The following EYA4 variants were observed in gnomAD, a reference collection of about 807,000 sequenced individuals.
EYA4 encodes EYA transcriptional coactivator and phosphatase 4.
Under a neutral mutation model 87.9 loss-of-function variants are expected in EYA4, and 31 were observed. The observed-to-expected ratio is 0.35, with a 90% CI of 0.27 to 0.48. The LOEUF (loss-of-function observed/expected upper bound fraction) is 0.48. EYA4 is among the 20% of genes least tolerant of loss of function. EYA4 has a pLI of 0.99. For missense variants in EYA4, 678 were observed against 761.4 expected, an observed-to-expected ratio of 0.89 and a Z score of 1.29; for synonymous variants, 263 against 270.6, an observed-to-expected ratio of 0.97 and a Z score of 0.28.
chr6:133,261,540 G>A (rs7756406), intron 1 of EYA4, among the ~76,000 whole-genome samples: 1 of 152,104 alleles, frequency 6.6e-6, no homozygotes, highest in Non-Finnish European at 1.5e-5. Context: ...GGTGACAAAT[G>A]CTAATGACTT....
Position 133,528,958 on chromosome 6 carries a change from T to C in EYA4, c.*153T>C, listed in dbSNP as rs529648360. 6.6e-6 allele frequency: 10 copies of C among 1,506,694 alleles called. No homozygotes were observed. The African/African-American group carries it at 8.3e-5, about 13-fold the overall frequency. The allele number at this position is 1,506,694 out of a possible 1,614,324, so 93.3% of individuals were successfully genotyped here. A position where few individuals can be genotyped will look rare whatever the true frequency, so the allele number is the denominator to read the frequency against. On this transcript the variant is annotated 3_prime_UTR_variant, in exon 20 of 20. Coordinates refer to ENST00000355286, the MANE Select transcript of EYA4 (RefSeq NM_004100.5). The stretch of plus-strand genomic sequence containing the variant: ...TTCCAGAATGAAGAATTCAGATTGC[T>C]GAATGGAGTTAAACTTTAGTGCTAC...
intron 2 of EYA4, among the ~76,000 whole-genome samples, chr6:133,344,285 G>C (rs1375641241): frequency 6.6e-6 from 1 of 152,216 alleles, no homozygotes; most frequent in East Asian, 1.9e-4. Context: ...AGGTGAACTA[G>C]ATGTAGGACC....
At chr6:133,318,038 G>A (rs1000031267) in intron 2 of EYA4, among the ~76,000 whole-genome samples, 1 of 152,148 alleles carries the variant, frequency 6.6e-6, no homozygotes, top group Non-Finnish European at 1.5e-5. Context: ...CTTTTTAAAT[G>A]TAGTTTTGAA....
At chr6:133,280,957 T>C (rs1162204461) in intron 2 of EYA4, among the ~76,000 whole-genome samples, 1 of 152,202 alleles carries the variant, frequency 6.6e-6, no homozygotes, top group East Asian at 1.9e-4. Context: ...TTCATATAAA[T>C]TGAGTCATAC....
chr6:133,381,186 T>C (rs186930461), intron 2 of EYA4, among the ~76,000 whole-genome samples: 1 of 151,842 alleles, frequency 6.6e-6, no homozygotes, highest in East Asian at 1.9e-4. Context: ...TGGTCAGTTT[T>C]ATTTTCATAT....
At chr6:133,265,715 A>C (rs965404543) in intron 1 of EYA4, among the ~76,000 whole-genome samples, 6 of 152,200 alleles carry the variant, frequency 3.9e-5, no homozygotes, top group African/African-American at 1.4e-4. Context: ...AGTAACAATT[A>C]ATCTAAATTT....
rs71003632 is a variant in EYA4, at chr6:133,294,062, T to TATATATATATATATATATATAAAA, written c.33+19250_33+19251insTATATATATATATATATATAAAAA. Among the ~76,000 whole-genome samples, 386 of 105,012 alleles carry TATATATATATATATATATATAAAA rather than the reference T, an allele frequency of 3.7e-3. 20 individuals carry two copies. The highest frequency in any genetic ancestry group is 6.1e-3 in the Non-Finnish European group (293 of 48,366). The allele number at this position is 105,012 out of a possible 152,430, so 68.9% of individuals were successfully genotyped here. A position where few individuals can be genotyped will look rare whatever the true frequency, so the allele number is the denominator to read the frequency against. The stretch of plus-strand genomic sequence containing the variant: ...ATATATATATATATATATATATATA[T>TATATATATATATATATATATAAAA]AATTCTATTCTATATATAACATTCT... On this transcript the variant is annotated intron_variant, in intron 2 of 19. Coordinates refer to ENST00000355286, the MANE Select transcript of EYA4 (RefSeq NM_004100.5).
At chr6:133,366,500 A>G (rs569118332) in intron 2 of EYA4, among the ~76,000 whole-genome samples, 1 of 152,318 alleles carries the variant, frequency 6.6e-6, no homozygotes, top group Admixed American at 6.5e-5. Context: ...GGGGCAGATC[A>G]TGCATTTGCC....
intron 2 of EYA4, among the ~76,000 whole-genome samples, chr6:133,307,772 T>G (rs1428494586): frequency 6.6e-6 from 1 of 152,170 alleles, no homozygotes; most frequent in Non-Finnish European, 1.5e-5. Context: ...AATTCCCATT[T>G]TACCCGTGAG....
intron 2 of EYA4, among the ~76,000 whole-genome samples, chr6:133,339,460 T>C (rs1484121927): frequency 1.3e-5 from 2 of 152,176 alleles, no homozygotes; most frequent in Non-Finnish European, 2.9e-5. Context: ...GGAAGAATAT[T>C]AAATTTGTTT....
At chr6:133,346,981 C>T (rs1221856947) in intron 2 of EYA4, among the ~76,000 whole-genome samples, 20 of 151,544 alleles carry the variant, frequency 1.3e-4, no homozygotes, top group Admixed American at 1.3e-3. Context: ...AGATCCAGTC[C>T]CTGCTCTGTG....
intron 2 of EYA4, among the ~76,000 whole-genome samples, chr6:133,317,446 A>T (rs1780714962): frequency 1.3e-5 from 2 of 152,192 alleles, no homozygotes; most frequent in Non-Finnish European, 2.9e-5. Flanking sequence ...TTATGATTTT[A>T]TTATGAATTA....
intron 3 of EYA4, among the ~76,000 whole-genome samples, chr6:133,397,079 C>G (rs1230620036): frequency 1.3e-5 from 2 of 152,218 alleles, no homozygotes; most frequent in East Asian, 3.8e-4. Flanking sequence ...ATGAATCACT[C>G]AACTTGGCTG....
At chr6:133,455,543 AC>A (rs1793827590) in intron 5 of EYA4, among the ~76,000 whole-genome samples, 1 of 152,150 alleles carries the variant, frequency 6.6e-6, no homozygotes, top group South Asian at 2.1e-4. Flanking sequence ...TAACAGAATA[AC>A]ATTACTGACT....
At chr6:133,517,087 C>T (rs180941285) in intron 17 of EYA4, among the ~76,000 whole-genome samples, 3 of 152,134 alleles carry the variant, frequency 2.0e-5, no homozygotes, top group African/African-American at 4.8e-5. Flanking sequence ...TTTGAGGATT[C>T]GCCACACTGC....
At chr6:133,502,018 G>A (rs1798161557) in intron 13 of EYA4, among the ~76,000 whole-genome samples, 1 of 151,746 alleles carries the variant, frequency 6.6e-6, no homozygotes, top group African/African-American at 2.4e-5. Context: ...AAGGCCAAGA[G>A]CTATTTATTT....
rs866072739 is a variant in EYA4, at chr6:133,462,475, A to G, written c.578A>G (p.Tyr193Cys). 10 of 1,613,442 alleles carry G rather than the reference A, an allele frequency of 6.2e-6. No homozygotes were observed. The highest frequency in any genetic ancestry group is 8.5e-6 in the Non-Finnish European group (10 of 1,179,948). ...GGACAGCCCTACAGCTTGCCCACTTACGGTATTTCACATCTTCTGTTTTCT... is the reference window on the plus strand; with the variant it reads ...GGACAGCCCTACAGCTTGCCCACTTGCGGTATTTCACATCTTCTGTTTTCT... ...QTGQPYSLPT[Y>C]DLGVMLPAIK... The change falls in exon 8 of 20, where the codon TAC (tyrosine) becomes TGC (cysteine). Residue 193 changes from tyrosine to cysteine, a missense_variant and splice_region_variant. Physicochemically the swap from Tyr to Cys is radical, Grantham distance 194 (BLOSUM62 -2). Coordinates refer to ENST00000355286, the MANE Select transcript of EYA4 (RefSeq NM_004100.5).
At chr6:133,498,169 A>G (rs1040034256) in intron 13 of EYA4, among the ~76,000 whole-genome samples, 1 of 152,216 alleles carries the variant, frequency 6.6e-6, no homozygotes, top group Non-Finnish European at 1.5e-5. Flanking sequence ...AGAAAGTAAT[A>G]GAATTAATCA....
chr6:133,273,926 T>C (rs138030238), intron 1 of EYA4, among the ~76,000 whole-genome samples: 1 of 152,106 alleles, frequency 6.6e-6, no homozygotes, highest in South Asian at 2.1e-4. Flanking sequence ...TGTGTGCGTG[T>C]ATGTGTTTTA....
Sources: gnomAD v4.1 joint callset for allele counts (sites outside exome capture counted in the v4.1 genomes callset) on GRCh38, gnomAD v4.1.1 for gene constraint, MANE v1.5 for transcripts, NCBI Gene and HGNC (gene_info 2026-07-23, HGNC 2026-07-21) for gene names.